Variants in NUDT14 observed in about 807,000 individuals in gnomAD.
NUDT14 encodes the protein nudix hydrolase 14, also known as uridine diphosphate glucose pyrophosphatase NUDT14.
A neutral mutation model predicts 17.5 loss-of-function variants in NUDT14; 22 were observed. The ratio of observed to expected loss-of-function variants is 1.26; its 90% CI spans 0.90 to 1.80. NUDT14 has a LOEUF of 1.80. Ranked by LOEUF, NUDT14 falls within the 40% of genes most tolerant of loss-of-function variation. The probability of loss-of-function intolerance (pLI) is 0.00; values close to 1 mark genes in which losing one functional copy is unlikely to be tolerated. For missense variants in NUDT14, 296 were observed against 295.6 expected, an observed-to-expected ratio of 1.00 and a Z score of -0.01; for synonymous variants, 129 against 125.8, an observed-to-expected ratio of 1.03 and a Z score of -0.17.
chr14:105,180,257 G>A (rs1282514642), intron 1 of NUDT14, among the ~76,000 whole-genome samples: 3 of 152,194 alleles, frequency 2.0e-5, no homozygotes, highest in African/African-American at 4.8e-5. Flanking sequence ...GTTGAGGCCA[G>A]AAGTTCAAGA....
At position 105,172,992 on chromosome 14, in the gene NUDT14, G is replaced by A. The variant is rs1328747787; in HGVS notation, c.*29C>T. On this transcript the variant is annotated 3_prime_UTR_variant, in exon 5 of 5. Coordinates refer to ENST00000392568, the MANE Select transcript of NUDT14 (RefSeq NM_177533.5). ...CGCGGGGTGTGGGGTGAGTGGCCAA[G>A]ACTGGCCTCTGTCTAGAACCCTGGA... 1.4e-6 allele frequency: 2 copies of A among 1,477,436 alleles called. No individual in the cohort carries two copies. Among genetic ancestry groups the A allele is most frequent in the African/African-American group, 1.4e-5 (1 of 70,330 alleles). 91.5% of individuals were successfully genotyped at this position (1,477,436 alleles called of 1,614,324 possible).
intron 1 of NUDT14, among the ~76,000 whole-genome samples, chr14:105,178,726 A>C (rs1889269187): frequency 1.3e-5 from 2 of 152,356 alleles, no homozygotes; most frequent in Non-Finnish European, 2.9e-5. Context: ...TGAGCAGCAG[A>C]GACACAGAAG....
intron 3 of NUDT14, 78 bp from the exon 4 acceptor site, chr14:105,176,849 C>G: frequency 1.3e-6 from 2 of 1,560,602 alleles, no homozygotes; most frequent in Non-Finnish European, 1.8e-6. Context: ...CAAGCCCCCT[C>G]CCAGGGCCTC....
rs752063309 is a variant in NUDT14 at position 105,176,640 on chromosome 14, C to G, written c.322G>C (p.Val108Leu). 1.2e-6 allele frequency: 2 copies of G among 1,612,762 alleles called. No homozygotes were observed. Among genetic ancestry groups the G allele is most frequent in the Non-Finnish European group, 1.7e-6 (2 of 1,179,968 alleles). The part of the protein sequence containing the change: ...GVTVELCAGL[V>L]DQPGLSLEEV... ...TCCAGCGAGAGCCCAGGCTGGTCCACGAGGCCGGCACACAGCTCAACTGTC... is the reference window on the plus strand; with the variant it reads ...TCCAGCGAGAGCCCAGGCTGGTCCAGGAGGCCGGCACACAGCTCAACTGTC... Residue 108 changes from valine to leucine, a missense_variant, in exon 4 of 5, where the codon GTG becomes CTG. Transcript: ENST00000392568.
At position 105,173,469 on chromosome 14, in the gene NUDT14, C is replaced by T. The variant is rs902727080; in HGVS notation, c.429-208G>A. 9.0e-6 allele frequency: 4 copies of T among 442,172 alleles called. No individual in the cohort carries two copies. Among genetic ancestry groups the T allele is most frequent in the African/African-American group, 4.0e-5 (2 of 49,614 alleles). 27.4% of individuals were successfully genotyped at this position (442,172 alleles called of 1,614,324 possible). A position where few individuals can be genotyped will look rare whatever the true frequency, so the allele number is the denominator to read the frequency against. On this transcript the variant is annotated intron_variant, in intron 4 of 4. Transcript: ENST00000392568. This position sits in a 1 kb window ranked among gnomAD's most constrained non-coding sequence, Gnocchi z 4.7. ...CAGCAGGGCATCCCTTCCCTGATCA[C>T]GTTGTACTCGCCAGGTGGGGTGGGT...
chr14:105,176,513 T>C, intron 4 of NUDT14, 21 bp downstream of exon 4: 6 of 1,582,172 alleles, frequency 3.8e-6, no homozygotes, highest in African/African-American at 1.3e-5. Context: ...ACCACAGGCC[T>C]GAGGGCCTGG....
Position 105,173,119 on chromosome 14 carries a change from C to G in NUDT14, c.571G>C (p.Ala191Pro). 1 of 1,604,646 alleles carries G rather than the reference C, an allele frequency of 6.2e-7. No individual in the cohort carries two copies. The highest frequency in any genetic ancestry group is 8.5e-7 in the Non-Finnish European group (1 of 1,176,162). The change falls in exon 5 of 5, where the codon GCC (alanine) becomes CCC (proline). Residue 191 changes from alanine (A) to proline (P), a missense_variant. Transcript: ENST00000392568. The surrounding 1 kb of genome is among the most constrained non-coding windows in gnomAD (Gnocchi z 4.7). ...GGGATGTCCGGGTCGTCTGCAAAGG[C>G]CTGGGCGCCTTCCAGGGGCAGGTGC... Reference protein sequence around the residue: ...VVHLPLEGAQAFADDPDIPKT... With the variant: ...VVHLPLEGAQPFADDPDIPKT...
At chr14:105,174,312 A>AG (rs1047786200) in intron 4 of NUDT14, among the ~76,000 whole-genome samples, 7 of 148,748 alleles carry the variant, frequency 4.7e-5, no homozygotes, top group African/African-American at 1.8e-4. Context: ...CAGGAGGGGG[A>AG]GGGCCAGGTG....
In NUDT14 at chr14:105,173,325, T is replaced by C; in HGVS notation, c.429-64A>G. The C allele has an allele frequency of 1.4e-6, 2 of 1,433,138 alleles. No homozygotes were observed. The highest frequency in any genetic ancestry group is 9.1e-7 in the Non-Finnish European group (1 of 1,094,276). 88.8% of individuals were successfully genotyped at this position (1,433,138 alleles called of 1,614,324 possible). A position where few individuals can be genotyped will look rare whatever the true frequency, so the allele number is the denominator to read the frequency against. Reference sequence around the variant, plus strand: ...GGCCCCGCTGGCCCCCTGGCCCTTCTACCACCCTCCAACCCACCCTCTCCA... The same window carrying C: ...GGCCCCGCTGGCCCCCTGGCCCTTCCACCACCCTCCAACCCACCCTCTCCA... On this transcript the variant is annotated intron_variant, in intron 4 of 4. Transcript: ENST00000392568. The surrounding 1 kb of genome is among the most constrained non-coding windows in gnomAD (Gnocchi z 4.7).
At chr14:105,176,857 C>G in intron 3 of NUDT14, 86 bp from the exon 4 acceptor site, 1 of 1,554,634 alleles carries the variant, frequency 6.4e-7, no homozygotes, top group Non-Finnish European at 8.8e-7. Context: ...CTCCCAGGGC[C>G]TCAGCTTCCC....
intron 1 of NUDT14, among the ~76,000 whole-genome samples, chr14:105,178,176 A>G (rs1566778313): frequency 6.6e-6 from 1 of 152,046 alleles, no homozygotes; most frequent in Non-Finnish European, 1.5e-5. Context: ...TCCTTGGGCC[A>G]CTGAACAGGT....
chr14:105,178,077 G>A (rs2141008550), intron 1 of NUDT14, among the ~76,000 whole-genome samples: 1 of 152,266 alleles, frequency 6.6e-6, no homozygotes, highest in Non-Finnish European at 1.5e-5. Flanking sequence ...AAGGCTCATG[G>A]AGGCTCGGGG....
At chr14:105,174,630 C>T (rs906408688) in intron 4 of NUDT14, among the ~76,000 whole-genome samples, 26 of 152,292 alleles carry the variant, frequency 1.7e-4, no homozygotes, top group Admixed American at 9.8e-4. Flanking sequence ...GGCCCATTTC[C>T]GGCGGCGGCC....
Position 105,173,251 on chromosome 14 carries a change from C to T in NUDT14, c.439G>A (p.Gly147Arg). Reference protein sequence around the residue: ...RRVATYWSGVGLTGSRQTMFY... With the variant: ...RRVATYWSGVRLTGSRQTMFY... ...ATGGTCTGTCTGGAGCCAGTCAGTC[C>T]CACTCCAGACCTACGGGTTGAGACA... is the stretch of plus-strand genomic sequence containing the variant. Residue 147 changes from glycine (G) to arginine (R), a missense_variant, in exon 5 of 5, where the codon GGA becomes AGA. Gly to Arg is a moderately radical substitution (Grantham distance 125, BLOSUM62 -2). Coordinates refer to ENST00000392568, the MANE Select transcript of NUDT14 (RefSeq NM_177533.5). The surrounding 1 kb of genome is among the most constrained non-coding windows in gnomAD (Gnocchi z 4.7). 6.5e-7 allele frequency: 1 copy of T among 1,548,948 alleles called. No homozygotes were observed. The highest frequency in any genetic ancestry group is 8.7e-7 in the Non-Finnish European group (1 of 1,148,578).
chr14:105,178,552 G>A (rs1027444664), intron 1 of NUDT14, among the ~76,000 whole-genome samples: 7 of 152,198 alleles, frequency 4.6e-5, no homozygotes, highest in Non-Finnish European at 1.0e-4. Context: ...GGGGAGGCTG[G>A]AACTGATGCA....
intron 4 of NUDT14, chr14:105,175,774 G>T (rs1173761465): frequency 7.9e-6 from 8 of 1,011,816 alleles, no homozygotes; most frequent in Non-Finnish European, 9.5e-6. Context: ...AGTCCTTGAG[G>T]CTGCTGAGGT....
Position 105,176,610 on chromosome 14 carries a change from C to T in NUDT14, c.352G>A (p.Val118Met). ...VDQPGLSLEE[V>M]ACKEAWEECG... Reference sequence around the variant, plus strand: ...TCCTCCCAAGCCTCCTTGCAAGCCACTTCCTCCAGCGAGAGCCCAGGCTGG... The same window carrying T: ...TCCTCCCAAGCCTCCTTGCAAGCCATTTCCTCCAGCGAGAGCCCAGGCTGG... The change falls in exon 4 of 5, where the codon GTG (valine) becomes ATG (methionine). Residue 118 changes from valine to methionine, a missense_variant. Physicochemically the swap from Val to Met is conservative, Grantham distance 21 (BLOSUM62 1). Transcript: ENST00000392568. 6.2e-7 allele frequency: 1 copy of T among 1,612,786 alleles called. No homozygotes were observed. The highest frequency in any genetic ancestry group is 8.5e-7 in the Non-Finnish European group (1 of 1,179,976).
intron 1 of NUDT14, among the ~76,000 whole-genome samples, chr14:105,180,466 AAAAAC>A (rs1248373702): frequency 6.6e-6 from 1 of 152,174 alleles, no homozygotes; most frequent in Non-Finnish European, 1.5e-5. Context: ...ACCCTGTCTC[AAAAAC>A]AAAACAAAAC....
chr14:105,176,206 G>C (rs944898929), intron 4 of NUDT14, among the ~76,000 whole-genome samples: 2 of 152,136 alleles, frequency 1.3e-5, no homozygotes, highest in African/African-American at 4.8e-5. Context: ...TCTGAGAACA[G>C]AGCTGTGAGT....
Sources: allele counts gnomAD v4.1 joint callset (sites outside exome capture counted in the v4.1 genomes callset), GRCh38; gene constraint gnomAD v4.1.1; non-coding constraint Gnocchi (gnomAD v3.1); transcripts MANE v1.5; gene names NCBI Gene and HGNC (gene_info 2026-07-23, HGNC 2026-07-21).